The following EBF2 variants were observed in gnomAD, a reference collection of about 807,000 sequenced individuals.
EBF2 encodes the protein transcription factor COE2.
Under a neutral mutation model 72.8 loss-of-function variants are expected in EBF2, and 21 were observed. That is an observed-to-expected ratio of 0.29 (90% confidence interval 0.20 to 0.42). EBF2 has a LOEUF of 0.42. EBF2 is among the 10% of genes least tolerant of loss of function. The pLI, the probability that EBF2 is intolerant of heterozygous loss-of-function variation, is 1.00. For missense variants in EBF2, 637 were observed against 731.2 expected (o/e 0.87, Z 1.49); for synonymous variants, 299 against 274.2 (o/e 1.09, Z -0.89).
At chr8:25,882,156 T>G (rs994923550) in intron 10 of EBF2, among the ~76,000 whole-genome samples, 14 of 152,012 alleles carry the variant, frequency 9.2e-5, no homozygotes, top group East Asian at 1.9e-4. Context: ...ACACACCCAC[T>G]GGGGCTTCAG....
chr8:26,042,297 A>C (rs777155565), intron 1 of EBF2, 46 bp from the exon 2 acceptor site: 3 of 1,575,976 alleles, frequency 1.9e-6, no homozygotes, highest in African/African-American at 1.4e-5. Flanking sequence ...GGGGAAGCAC[A>C]AAAAGGCGAT....
intron 6 of EBF2, among the ~76,000 whole-genome samples, chr8:25,947,805 C>G (rs1392239648): frequency 1.3e-5 from 2 of 152,234 alleles, no homozygotes; most frequent in Non-Finnish European, 2.9e-5. Flanking sequence ...GGGCATCAAC[C>G]ACTCTGGAAA....
Position 25,870,094 on chromosome 8 carries a change from G to A in EBF2, c.1010-7297C>T, listed in dbSNP as rs558343253. On this transcript the variant is annotated intron_variant, in intron 10 of 15. Transcript: ENST00000520164. Reference sequence around the variant, plus strand: ...AGCTTCAAGAGCTACAGATGCAAAAGCATGAATGAAGTCCTGCCTGTGTTG... The same window carrying A: ...AGCTTCAAGAGCTACAGATGCAAAAACATGAATGAAGTCCTGCCTGTGTTG... Among the ~76,000 whole-genome samples, 12 of 152,304 alleles carry A rather than the reference G, an allele frequency of 7.9e-5. No individual in the cohort carries two copies. The East Asian group carries it at 2.1e-3, about 27-fold the overall frequency.
At chr8:25,863,824 C>T (rs917692455) in intron 10 of EBF2, among the ~76,000 whole-genome samples, 3 of 152,068 alleles carry the variant, frequency 2.0e-5, no homozygotes, top group African/African-American at 7.2e-5. Context: ...ACATTTTTTG[C>T]ATATGTCTTT....
intron 6 of EBF2, among the ~76,000 whole-genome samples, chr8:25,934,736 C>T (rs1258556508): frequency 2.6e-5 from 4 of 152,180 alleles, no homozygotes; most frequent in Non-Finnish European, 5.9e-5. Context: ...TGTGACACTT[C>T]AGAGGTGCCT....
At chr8:25,876,328 T>G (rs1254050239) in intron 10 of EBF2, among the ~76,000 whole-genome samples, 1 of 152,174 alleles carries the variant, frequency 6.6e-6, no homozygotes. Flanking sequence ...AGCTAGGTGA[T>G]GGGTCGATCT....
intron 7 of EBF2, among the ~76,000 whole-genome samples, chr8:25,903,588 T>C (rs967950702): frequency 6.6e-6 from 1 of 151,996 alleles, no homozygotes; most frequent in Non-Finnish European, 1.5e-5. Flanking sequence ...TCCCAGCTAC[T>C]CTGGAGGCTG....
intron 6 of EBF2, among the ~76,000 whole-genome samples, chr8:26,023,414 G>A (rs1454664401): frequency 6.6e-6 from 1 of 152,102 alleles, no homozygotes; most frequent in East Asian, 1.9e-4. Context: ...ATTTCATAAG[G>A]AAGAAGCTGG....
intron 6 of EBF2, among the ~76,000 whole-genome samples, chr8:26,008,151 C>T (rs967766870): frequency 7.2e-5 from 11 of 151,898 alleles, no homozygotes; most frequent in African/African-American, 2.4e-4. Context: ...CAGTGATACA[C>T]GGGTATGGGT....
intron 14 of EBF2, among the ~76,000 whole-genome samples, chr8:25,857,681 G>A (rs1802122062): frequency 6.6e-6 from 1 of 152,162 alleles, no homozygotes; most frequent in Non-Finnish European, 1.5e-5. Flanking sequence ...GGACTTTGCT[G>A]CTAGACCACA....
intron 14 of EBF2, chr8:25,857,946 A>G: frequency 2.8e-6 from 1 of 363,468 alleles, no homozygotes; most frequent in South Asian, 2.2e-5. Context: ...ATGAAGAAAA[A>G]GTTCTTATCG....
chr8:26,022,838 G>A (rs1805225694), intron 6 of EBF2, among the ~76,000 whole-genome samples: 2 of 152,266 alleles, frequency 1.3e-5, no homozygotes, highest in East Asian at 3.9e-4. Context: ...TATAGGCTTT[G>A]GTCTAGGCTG....
At chr8:25,881,079 T>C (rs1802598717) in intron 10 of EBF2, among the ~76,000 whole-genome samples, 1 of 152,192 alleles carries the variant, frequency 6.6e-6, no homozygotes, top group African/African-American at 2.4e-5. Flanking sequence ...GCTACCATCA[T>C]TTCTGGCCTG....
chr8:25,971,423 T>C (rs1290261032), intron 6 of EBF2, among the ~76,000 whole-genome samples: 2 of 152,056 alleles, frequency 1.3e-5, no homozygotes, highest in African/African-American at 4.8e-5. Flanking sequence ...AGGGAAACAC[T>C]ACAGTGTGAC....
intron 14 of EBF2, among the ~76,000 whole-genome samples, chr8:25,853,828 C>G (rs1222252605): frequency 1.8e-5 from 2 of 114,244 alleles, no homozygotes; most frequent in Non-Finnish European, 3.4e-5. Flanking sequence ...GAAATATACA[C>G]CTCTTCAGAT....
At chr8:25,966,346 G>A (rs1302379981) in intron 6 of EBF2, among the ~76,000 whole-genome samples, 1 of 152,184 alleles carries the variant, frequency 6.6e-6, no homozygotes, top group Non-Finnish European at 1.5e-5. Flanking sequence ...TGTATTGCAG[G>A]GCACTGCTTT....
At chr8:25,858,217 A>AACTT in intron 14 of EBF2, 102 bp downstream of exon 14, 1 of 1,422,918 alleles carries the variant, frequency 7.0e-7, no homozygotes, top group Non-Finnish European at 9.8e-7. Flanking sequence ...GCTCCCCGAC[A>AACTT]ACTTAGGAAG....
intron 6 of EBF2, among the ~76,000 whole-genome samples, chr8:25,952,983 G>A (rs1237871617): frequency 6.6e-6 from 1 of 152,066 alleles, no homozygotes; most frequent in African/African-American, 2.4e-5. Context: ...CCTTATTCAG[G>A]ATGTTAGAAC....
chr8:25,857,566 T>C (rs1415193918), intron 14 of EBF2, among the ~76,000 whole-genome samples: 1 of 152,094 alleles, frequency 6.6e-6, no homozygotes, highest in Admixed American at 6.5e-5. Context: ...ATTCCCTAGG[T>C]AGGTTTGAAA....
Sources: gnomAD v4.1 joint callset for allele counts (sites outside exome capture counted in the v4.1 genomes callset) on GRCh38, gnomAD v4.1.1 for gene constraint, MANE v1.5 for transcripts, NCBI Gene and HGNC (gene_info 2026-07-23, HGNC 2026-07-21) for gene names.